The following DNAH8 variants were observed in gnomAD, a reference collection of about 807,000 sequenced individuals.
The protein encoded by DNAH8 is dynein axonemal heavy chain 8.
A neutral mutation model predicts 562.1 loss-of-function variants in DNAH8; 382 were observed. The observed-to-expected ratio is 0.68, with a 90% CI of 0.63 to 0.74. The LOEUF is 0.74. DNAH8 is among the 30% of genes least tolerant of loss of function. The pLI is 0.00. For missense variants in DNAH8, 5,203 were observed against 5,620.4 expected (o/e 0.93, Z 2.37); for synonymous variants, 1,881 against 1,919.4 (o/e 0.98, Z 0.52).
intron 10 of DNAH8, among the ~76,000 whole-genome samples, chr6:38,758,510 T>C (rs1378758929): frequency 6.6e-6 from 1 of 152,142 alleles, no homozygotes; most frequent in African/African-American, 2.4e-5. Context: ...CCTAATTGAA[T>C]GCCCTTTATT....
rs764076499 is a variant in DNAH8, at chr6:38,863,950, C to A, written c.6388C>A (p.Gln2130Lys). 1.2e-6 allele frequency: 2 copies of A among 1,612,726 alleles called. No individual in the cohort carries two copies. The highest frequency in any genetic ancestry group is 1.3e-5 in the African/African-American group (1 of 74,814). ...IELPVLSVAA[Q>K]QIYIVLTARK... is the part of the protein sequence containing the mutation. ...ATTGCCTGTATTATCAGTGGCAGCA[C>A]AACAAATTTATATTGTTTTGACAGC... Residue 2130 changes from glutamine to lysine, a missense_variant, in exon 45 of 93, where the codon CAA (glutamine) becomes AAA (lysine). Transcript: ENST00000327475.
At chr6:38,921,317 A>G (rs1001691144) in intron 70 of DNAH8, 52 bp from the exon 71 acceptor site, 36 of 1,583,642 alleles carry the variant, frequency 2.3e-5, no homozygotes, top group Non-Finnish European at 2.7e-5. Context: ...ACCAGTTACA[A>G]TCATGACTGT....
At position 38,917,909 on chromosome 6, in the gene DNAH8, TA is replaced by T; in HGVS notation, c.10309-14del. On this transcript the variant is annotated splice_polypyrimidine_tract_variant and intron_variant, in intron 69 of 92. Transcript: ENST00000327475. ...ATTTTCTTCCAGAACTTACAGGTTA[TA>T]ATACTATTTTTCAGTTGATGAGTGC... 1 of 1,588,368 alleles carries T rather than the reference TA, an allele frequency of 6.3e-7. No homozygotes were observed. Among genetic ancestry groups the T allele is most frequent in the Non-Finnish European group, 8.6e-7 (1 of 1,162,748 alleles).
At chr6:38,955,293 A>G (rs977311888) in intron 82 of DNAH8, among the ~76,000 whole-genome samples, 6 of 151,926 alleles carry the variant, frequency 3.9e-5, no homozygotes, top group African/African-American at 1.5e-4. Context: ...CTTTATTTGC[A>G]TTATTCTGAA....
Position 38,750,529 on chromosome 6 carries a change from T to C in DNAH8, c.1347T>C (p.Asp449=). ...CTGATACAGCAAATGAATCCAAAGA[T>C]AATGTCAGATATTTGTATACTTTGG... ...RITDTANESK[D]NVRYLYTLEK... Residue 449 remains aspartate, a synonymous_variant, in exon 9 of 93, where the codon GAT becomes GAC. Transcript: ENST00000327475. 1 of 1,612,476 alleles carries C rather than the reference T, an allele frequency of 6.2e-7. No individual in the cohort carries two copies. The highest frequency in any genetic ancestry group is 8.5e-7 in the Non-Finnish European group (1 of 1,179,256).
intron 1 of DNAH8, among the ~76,000 whole-genome samples, chr6:38,721,303 A>C (rs796188192): frequency 2.9e-4 from 44 of 151,750 alleles, no homozygotes; most frequent in African/African-American, 9.9e-4. Context: ...ACATAATGAG[A>C]CCTTGTCTCT....
chr6:38,826,939 T>A (rs946243777), intron 29 of DNAH8, among the ~76,000 whole-genome samples: 5 of 152,130 alleles, frequency 3.3e-5, no homozygotes, highest in African/African-American at 1.2e-4. Context: ...ACAACACAGA[T>A]CGTTTATTTT....
chr6:38,926,713 TGTGGGATATTCA>T (rs1782152019), intron 74 of DNAH8, among the ~76,000 whole-genome samples: 1 of 152,184 alleles, frequency 6.6e-6, no homozygotes, highest in East Asian at 1.9e-4. Flanking sequence ...CAACTACCAA[TGTGGGATATTCA>T]GTGTTTCCTA....
chr6:38,842,480 G>A lies in DNAH8; in HGVS notation c.4579G>A (p.Ala1527Thr). 6.2e-7 allele frequency: 1 copy of A among 1,611,456 alleles called. No individual in the cohort carries two copies. Among genetic ancestry groups the A allele is most frequent in the African/African-American group, 1.3e-5 (1 of 74,928 alleles). The change falls in exon 34 of 93, where the codon GCA becomes ACA. Residue 1527 changes from alanine to threonine, a missense_variant. Physicochemically the swap from Ala to Thr is moderately conservative, Grantham distance 58. Around this residue, in one of 6 missense-constraint regions of DNAH8, gnomAD observed 2,176 missense variants for 2,365.1 expected, o/e 0.92. Transcript: ENST00000327475. ...AGATGTAGATATTGAAAAAATTAAT[G>A]CAGAACTGCTGGAATTTCAAAACAG... ...WGDVDIEKIN[A>T]ELLEFQNRCR...
chr6:38,883,771 TA>T (rs888476221), intron 55 of DNAH8, 104 bp from the exon 56 acceptor site: 20 of 941,798 alleles, frequency 2.1e-5, no homozygotes, highest in Admixed American at 1.4e-4. Context: ...GTATACTTAT[TA>T]AATGCGTAAG....
rs1330750594 is a variant in DNAH8 at position 38,961,095 on chromosome 6, AT to A, written c.12451+9576del. Among the ~76,000 whole-genome samples, 6 of 152,152 alleles carry A rather than the reference AT, an allele frequency of 3.9e-5. No individual in the cohort carries two copies. The South Asian group carries it at 1.2e-3, about 32-fold the overall frequency. On this transcript the variant is annotated intron_variant, in intron 82 of 92. Transcript: ENST00000327475. ...AAATAAGCTAGGCATAGAATGACAA[AT>A]ACCACATGATCTCACTCTTGAGAAT... is the stretch of plus-strand genomic sequence containing the variant.
chr6:38,751,711 G>A (rs1256181105), intron 9 of DNAH8, among the ~76,000 whole-genome samples: 3 of 151,520 alleles, frequency 2.0e-5, no homozygotes, highest in African/African-American at 7.3e-5. Context: ...TTTATAATCT[G>A]GTATTTCATA....
chr6:38,849,459 C>A (rs1229047534), intron 37 of DNAH8, among the ~76,000 whole-genome samples: 1 of 151,826 alleles, frequency 6.6e-6, no homozygotes, highest in African/African-American at 2.4e-5. Context: ...TAGGTTTAGT[C>A]GATGAAGGTA....
chr6:38,800,525 TTA>T (rs1448211054), intron 21 of DNAH8, among the ~76,000 whole-genome samples: 7 of 152,152 alleles, frequency 4.6e-5, no homozygotes, highest in African/African-American at 1.7e-4. Flanking sequence ...GTGCTTATTT[TTA>T]TGTTTTTGAG....
intron 88 of DNAH8, among the ~76,000 whole-genome samples, chr6:38,998,525 T>C (rs1203979498): frequency 6.6e-6 from 1 of 152,228 alleles, no homozygotes; most frequent in Non-Finnish European, 1.5e-5. Flanking sequence ...AATTGAAATG[T>C]ATTCCCTTGA....
intron 19 of DNAH8, among the ~76,000 whole-genome samples, 169 bp downstream of exon 19, chr6:38,790,052 C>T (rs1284277661): frequency 1.3e-4 from 19 of 145,308 alleles, no homozygotes; most frequent in South Asian, 2.2e-4. Context: ...GTCTAAGTTT[C>T]GTTGCCTTTG....
intron 76 of DNAH8, among the ~76,000 whole-genome samples, chr6:38,934,500 G>T (rs1782800666): frequency 6.6e-6 from 1 of 152,194 alleles, no homozygotes; most frequent in African/African-American, 2.4e-5. Flanking sequence ...TGAAAATGAT[G>T]AAATTTCTGA....
intron 33 of DNAH8, 55 bp from the exon 34 acceptor site, chr6:38,842,313 T>C (rs985445810): frequency 2.1e-6 from 3 of 1,432,510 alleles, no homozygotes; most frequent in Admixed American, 2.1e-5. Flanking sequence ...TTTCCAATAA[T>C]GGACTTTATT....
In DNAH8 at chr6:38,929,623, A is replaced by G; in HGVS notation, c.11231A>G (p.Asn3744Ser). The change falls in exon 75 of 93, where the codon AAT becomes AGT. Residue 3744 changes from asparagine (N) to serine (S), a missense_variant. Physicochemically the swap from Asn to Ser is conservative, Grantham distance 46. Transcript: ENST00000327475. ...GAAGAGCTGGATCCAGCCTTGGATA[A>G]TGTATTAGAAAAGAATTTTATTAAA... Reference protein sequence around the residue: ...IHEELDPALDNVLEKNFIKSG... With the variant: ...IHEELDPALDSVLEKNFIKSG... The G allele has an allele frequency of 6.2e-7, 1 of 1,604,050 alleles. No homozygotes were observed. Among genetic ancestry groups the G allele is most frequent in the Non-Finnish European group, 8.5e-7 (1 of 1,175,314 alleles).
Sources: allele counts gnomAD v4.1 joint callset (sites outside exome capture counted in the v4.1 genomes callset), GRCh38; gene constraint gnomAD v4.1.1; regional missense constraint gnomAD v4.1.1; transcripts MANE v1.5; gene names NCBI Gene and HGNC (gene_info 2026-07-23, HGNC 2026-07-21).